Variants in RAPGEF5 observed in about 807,000 individuals in gnomAD.
RAPGEF5 encodes the protein M-Ras-regulated GEF.
A neutral mutation model predicts 125.2 loss-of-function variants in RAPGEF5; 65 were observed. The observed-to-expected ratio is 0.52, with a 90% CI of 0.43 to 0.64. The LOEUF (loss-of-function observed/expected upper bound fraction) is 0.64, where lower values mean the gene tolerates loss of function less well. Ranked by LOEUF, RAPGEF5 falls within the 30% of genes least tolerant of loss-of-function variation. The pLI, the probability that RAPGEF5 is intolerant of heterozygous loss-of-function variation, is 0.00. For synonymous variants in RAPGEF5, 391 were observed against 385.9 expected (o/e 1.01, Z -0.16); for missense variants, 958 against 1,048.1 (o/e 0.91, Z 1.19).
intron 9 of RAPGEF5, chr7:22,203,000 T>C (rs1785314701): frequency 3.9e-6 from 1 of 254,288 alleles, no homozygotes; most frequent in African/African-American, 2.3e-5. Context: ...AAATTGAATT[T>C]GTATCAGGGT....
chr7:22,314,313 T>C, intron 3 of RAPGEF5, among the ~76,000 whole-genome samples: 1 of 152,166 alleles, frequency 6.6e-6, no homozygotes, highest in Non-Finnish European at 1.5e-5. Flanking sequence ...GGATAATGAT[T>C]ACACAGGTGT....
intron 7 of RAPGEF5, among the ~76,000 whole-genome samples, chr7:22,258,639 A>AG (rs1418625242): frequency 6.6e-6 from 1 of 150,732 alleles, no homozygotes; most frequent in African/African-American, 2.4e-5. Context: ...AAAAAAAAAA[A>AG]AAAAAAAAAA....
chr7:22,355,875 C>A, intron 1 of RAPGEF5: 2 of 837,700 alleles, frequency 2.4e-6, no homozygotes, highest in Non-Finnish European at 2.9e-6. Flanking sequence ...GACAAGACTG[C>A]ATTTTAAAAA....
chr7:22,137,912 T>G (rs1027327166), intron 21 of RAPGEF5, among the ~76,000 whole-genome samples: 1 of 152,140 alleles, frequency 6.6e-6, no homozygotes, highest in Admixed American at 6.6e-5. Flanking sequence ...ATTAGACTTT[T>G]ACATTATTTA....
At chr7:22,330,827 G>A (rs1242080492) in intron 1 of RAPGEF5, among the ~76,000 whole-genome samples, 2 of 152,144 alleles carry the variant, frequency 1.3e-5, no homozygotes, top group African/African-American at 4.8e-5. Context: ...TGACCTGAAG[G>A]CACATGGTCA....
intron 7 of RAPGEF5, among the ~76,000 whole-genome samples, chr7:22,237,968 G>C (rs370416821): frequency 9.9e-5 from 15 of 152,276 alleles, no homozygotes; most frequent in African/African-American, 3.1e-4. Flanking sequence ...AGGAAAATGC[G>C]GATTCTGATA....
chr7:22,132,798 A>C (rs768848760), intron 23 of RAPGEF5, among the ~76,000 whole-genome samples: 1 of 152,178 alleles, frequency 6.6e-6, no homozygotes, highest in Non-Finnish European at 1.5e-5. Flanking sequence ...ACAGTGTTAG[A>C]CATGGCTCTA....
intron 11 of RAPGEF5, among the ~76,000 whole-genome samples, chr7:22,168,687 C>G (rs1191888427): frequency 6.6e-6 from 1 of 152,154 alleles, no homozygotes; most frequent in African/African-American, 2.4e-5. Context: ...GAACACAAAA[C>G]TCTGATATAC....
chr7:22,224,325 A>C (rs879728434), intron 8 of RAPGEF5, among the ~76,000 whole-genome samples: 3 of 152,152 alleles, frequency 2.0e-5, no homozygotes, highest in Non-Finnish European at 4.4e-5. Context: ...GGTGTTATAA[A>C]ATAACTATGA....
At position 22,342,424 on chromosome 7, in the gene RAPGEF5, T is replaced by C. The variant is rs534103068; in HGVS notation, c.231+14406A>G. On this transcript the variant is annotated intron_variant, in intron 1 of 25. Transcript: ENST00000665637. ...CTTCACAACAGAAAAACCCTGGAGA[T>C]ATTTTTCCCATTGTCTTGGGGATTA... Among the ~76,000 whole-genome samples the C allele has an allele frequency of 3.9e-5, 6 of 152,302 alleles. No homozygotes were observed. In the East Asian group the frequency reaches 5.8e-4, roughly 15 times the overall value.
At chr7:22,268,308 CT>C (rs1782332710) in intron 6 of RAPGEF5, among the ~76,000 whole-genome samples, 1 of 152,162 alleles carries the variant, frequency 6.6e-6, no homozygotes, top group African/African-American at 2.4e-5. Context: ...GGAGTTTGAG[CT>C]CTGAAAATGC....
In RAPGEF5 at chr7:22,281,721, C is replaced by T. The variant is rs183974067; in HGVS notation, c.747+9454G>A. 2.6e-3 allele frequency among the ~76,000 whole-genome samples: 399 copies of T among 152,332 alleles called. 17 individuals carry two copies. Among genetic ancestry groups the T allele is most frequent in the Admixed American group, 0.024 (368 of 15,302 alleles). On this transcript the variant is annotated intron_variant, in intron 6 of 25. Transcript: ENST00000665637. Reference sequence around the variant, plus strand: ...AGTTCAATGAAACCAAGATAGCCAACAGGGTTTCCTGGGTTAACTTATGAA... The same window carrying T: ...AGTTCAATGAAACCAAGATAGCCAATAGGGTTTCCTGGGTTAACTTATGAA...
chr7:22,286,551 A>G (rs1782801990), intron 6 of RAPGEF5, among the ~76,000 whole-genome samples: 1 of 152,232 alleles, frequency 6.6e-6, no homozygotes, highest in South Asian at 2.1e-4. Flanking sequence ...ATGAGATGGA[A>G]GTCTAGAATA....
chr7:22,192,374 T>C (rs1785023690), intron 11 of RAPGEF5: 1 of 152,220 alleles, frequency 6.6e-6, no homozygotes, highest in South Asian at 2.1e-4. Context: ...TCTCTTATTG[T>C]CCTTTAGAAT....
chr7:22,285,770 G>T (rs991285151), intron 6 of RAPGEF5, among the ~76,000 whole-genome samples: 1 of 152,178 alleles, frequency 6.6e-6, no homozygotes, highest in Non-Finnish European at 1.5e-5. Context: ...TAGTCCAGTG[G>T]TATTTCTCAG....
At chr7:22,350,523 C>T (rs996574817) in intron 1 of RAPGEF5, among the ~76,000 whole-genome samples, 1 of 152,104 alleles carries the variant, frequency 6.6e-6, no homozygotes, top group African/African-American at 2.4e-5. Flanking sequence ...ATGGAAAAAC[C>T]TGATCCACTG....
chr7:22,162,287 A>G (rs1294126181), intron 13 of RAPGEF5, 110 bp downstream of exon 13: 1 of 1,155,564 alleles, frequency 8.7e-7, no homozygotes, highest in Non-Finnish European at 1.2e-6. Flanking sequence ...CAACTTGACT[A>G]TCACAAGAAA....
rs150772076 is a variant in RAPGEF5, at chr7:22,241,591, A to G, written c.797-10672T>C. ...AATTACATCAACTCACCAAGTTTCAATTTCATTACTTGTAAACGGGAGATG... is the reference window on the plus strand; with the variant it reads ...AATTACATCAACTCACCAAGTTTCAGTTTCATTACTTGTAAACGGGAGATG... On this transcript the variant is annotated intron_variant, in intron 7 of 25. Coordinates refer to ENST00000665637, the MANE Select transcript of RAPGEF5 (RefSeq NM_012294.5). 1.9e-3 allele frequency among the ~76,000 whole-genome samples: 294 copies of G among 152,310 alleles called. 1 individual carries two copies. Among genetic ancestry groups the G allele is most frequent in the African/African-American group, 6.3e-3 (262 of 41,590 alleles).
intron 5 of RAPGEF5, among the ~76,000 whole-genome samples, chr7:22,298,174 T>G (rs982203763): frequency 4.5e-5 from 5 of 110,878 alleles, no homozygotes. Context: ...TATTGTTCTG[T>G]TTTTTGTTTT....
Sources: gnomAD v4.1 joint callset for allele counts (sites outside exome capture counted in the v4.1 genomes callset) on GRCh38, gnomAD v4.1.1 for gene constraint, MANE v1.5 for transcripts, NCBI Gene and HGNC (gene_info 2026-07-23, HGNC 2026-07-21) for gene names.